The following GLRX3 variants were observed in gnomAD, a reference collection of about 807,000 sequenced individuals.
GLRX3 encodes the protein glutaredoxin 3.
Under a neutral mutation model 49.5 loss-of-function variants are expected in GLRX3, and 22 were observed. That is an observed-to-expected ratio of 0.44 (90% CI 0.32 to 0.63). The LOEUF (loss-of-function observed/expected upper bound fraction) is 0.63. Among genes scored for constraint, GLRX3 ranks in the 30% least tolerant of loss-of-function variants. The pLI is 0.05. For synonymous variants in GLRX3, 133 were observed against 140.0 expected (o/e 0.95, Z 0.35); for missense variants, 385 against 396.3 (o/e 0.97, Z 0.24).
rs565905520 is a variant in GLRX3, at chr10:130,166,587, G to T, written c.559G>T (p.Val187Phe). The part of the protein sequence containing the change: ...SSFDIFSDEE[V>F]RQGLKAYSSW... ...TTTTGATATCTTCTCAGATGAAGAG[G>T]TTCGACAGGGACTCAAAGCCTATTC... Residue 187 changes from valine (V) to phenylalanine (F), a missense_variant, in exon 5 of 11, where the codon GTT becomes TTT. This residue lies in a region of GLRX3 where 374 missense variants were observed against 358.6 expected (regional missense o/e 1.04). Coordinates refer to ENST00000331244, the MANE Select transcript of GLRX3 (RefSeq NM_006541.5). The T allele has an allele frequency of 6.2e-7, 1 of 1,609,838 alleles. No homozygotes were observed. The highest frequency in any genetic ancestry group is 1.7e-5 in the Admixed American group (1 of 59,996).
At chr10:130,179,229 C>T (rs1391115338) in intron 10 of GLRX3, 113 bp from the exon 11 acceptor site, 1 of 600,018 alleles carries the variant, frequency 1.7e-6, no homozygotes, top group African/African-American at 2.0e-5. Context: ...GAGTTTTAAT[C>T]CAATAGGTGT....
downstream of GLRX3, chr10:130,180,095 C>CT (rs36013250): frequency 0.8 from 117,855 of 147,484 alleles, 47,145 homozygotes; most frequent in Middle Eastern, 0.87. Flanking sequence ...AGCATCACTA[C>CT]TTTTTTTTTT....
intron 3 of GLRX3, 107 bp from the exon 4 acceptor site, chr10:130,160,689 C>CT (rs1349112888): frequency 8.8e-6 from 6 of 684,690 alleles, no homozygotes; most frequent in African/African-American, 5.4e-5. Context: ...ATGAGGGTTT[C>CT]TTTTTTTACA....
intron 2 of GLRX3, among the ~76,000 whole-genome samples, chr10:130,150,239 C>CAAAAA (rs35014993): frequency 1.1e-5 from 1 of 94,534 alleles, no homozygotes. Flanking sequence ...GACTCCATCT[C>CAAAAA]AAAAAAAAAA....
At chr10:130,171,324 G>T (rs968584609) in intron 7 of GLRX3, among the ~76,000 whole-genome samples, 3 of 152,032 alleles carry the variant, frequency 2.0e-5, no homozygotes, top group African/African-American at 7.2e-5. Flanking sequence ...TGACCACAGA[G>T]AATATAAACT....
At chr10:130,170,632 G>A (rs1437280539) in intron 7 of GLRX3, among the ~76,000 whole-genome samples, 1 of 151,886 alleles carries the variant, frequency 6.6e-6, no homozygotes, top group African/African-American at 2.4e-5. Context: ...TCTCGGTAAT[G>A]GTTTAAGTGG....
chr10:130,159,718 A>G (rs1214419237), intron 2 of GLRX3: 1 of 876,450 alleles, frequency 1.1e-6, no homozygotes, highest in Non-Finnish European at 1.5e-6. Flanking sequence ...TTACTAGGTC[A>G]CTAGTGCACC....
intron 2 of GLRX3, among the ~76,000 whole-genome samples, chr10:130,156,154 C>G (rs1266121917): frequency 6.6e-6 from 1 of 152,194 alleles, no homozygotes; most frequent in Admixed American, 6.5e-5. Context: ...GCTCACAGTT[C>G]TAGAGGCTGG....
chr10:130,166,776 T>C (rs1862699649), intron 5 of GLRX3, 97 bp downstream of exon 5: 5 of 1,005,630 alleles, frequency 5.0e-6, no homozygotes, highest in Non-Finnish European at 3.0e-6. Context: ...TTCTTATGAA[T>C]CTATATTTAC....
At chr10:130,176,152 G>A (rs1029109809) in intron 10 of GLRX3, among the ~76,000 whole-genome samples, 6 of 145,868 alleles carry the variant, frequency 4.1e-5, no homozygotes, top group African/African-American at 7.7e-5. Flanking sequence ...AGAGAGTTTC[G>A]CTCTTGTTCC....
At position 130,169,579 on chromosome 10, in the gene GLRX3, A is replaced by C. The variant is rs982677449; in HGVS notation, c.771+89A>C. 4.8e-6 allele frequency: 4 copies of C among 837,888 alleles called. No individual in the cohort carries two copies. In the African/African-American group the frequency reaches 6.7e-5, roughly 14 times the overall value. 51.9% of individuals were successfully genotyped at this position (837,888 alleles called of 1,614,324 possible). A position where few individuals can be genotyped will look rare whatever the true frequency, so the allele number is the denominator to read the frequency against. ...ACAGTTAAATCTTTTTCCTAGCTTT[A>C]GCTAATGAAGCTGTAGCGATATCAG... On this transcript the variant is annotated intron_variant, in intron 7 of 10. Transcript: ENST00000331244.
chr10:130,153,363 T>C (rs2134889523), intron 2 of GLRX3, among the ~76,000 whole-genome samples: 1 of 152,388 alleles, frequency 6.6e-6, no homozygotes, highest in South Asian at 2.1e-4. Context: ...TGCGTTCCTT[T>C]GGAGGAGAAG....
intron 2 of GLRX3, among the ~76,000 whole-genome samples, chr10:130,154,276 C>T (rs1216534525): frequency 6.6e-6 from 1 of 152,212 alleles, no homozygotes; most frequent in East Asian, 1.9e-4. Context: ...AATCCTCCAA[C>T]CCCTTGCGCT....
chr10:130,159,569 T>C (rs1294582976), intron 2 of GLRX3, among the ~76,000 whole-genome samples: 3 of 152,252 alleles, frequency 2.0e-5, no homozygotes, highest in Admixed American at 2.0e-4. Flanking sequence ...TCAGTCATGA[T>C]GTACTGCCTC....
chr10:130,159,598 G>A, intron 2 of GLRX3: 1 of 165,236 alleles, frequency 6.1e-6, no homozygotes, highest in Non-Finnish European at 1.3e-5. Flanking sequence ...AGTCAATAGA[G>A]CAAACAGCAA....
In GLRX3 at chr10:130,175,053, G is replaced by T. The variant is rs1236113258; in HGVS notation, c.921G>T (p.Val307=). The change falls in exon 10 of 11, where the codon GTG becomes GTT. Residue 307 remains valine, a synonymous_variant. Coordinates refer to ENST00000331244, the MANE Select transcript of GLRX3 (RefSeq NM_006541.5). ...SNWPTYPQLY[V]KGELVGGLDI... is the part of the protein sequence containing the mutation. ...GGCCAACATACCCTCAGCTGTATGT[G>T]AAAGGGGAGCTGGTGGGAGGATTGG... The T allele has an allele frequency of 1.0e-5, 16 of 1,599,366 alleles. No individual in the cohort carries two copies. Among genetic ancestry groups the T allele is most frequent in the Non-Finnish European group, 1.4e-5 (16 of 1,166,924 alleles).
intron 1 of GLRX3, among the ~76,000 whole-genome samples, chr10:130,144,758 G>A (rs1862240290): frequency 6.6e-6 from 1 of 152,192 alleles, no homozygotes; most frequent in Non-Finnish European, 1.5e-5. Context: ...AAATAGTGCT[G>A]CAATAACATA....
At chr10:130,167,022 T>C (rs1439373804) in intron 6 of GLRX3, 42 bp downstream of exon 6, 6 of 1,050,968 alleles carry the variant, frequency 5.7e-6, no homozygotes, top group East Asian at 5.3e-5. Context: ...TCATTTAATA[T>C]ATTAAAAATA....
chr10:130,151,178 G>A (rs1387134449), intron 2 of GLRX3, among the ~76,000 whole-genome samples: 2 of 151,842 alleles, frequency 1.3e-5, no homozygotes. Flanking sequence ...CGCCTGCCTC[G>A]GCCTCCCAAA....
Sources: gnomAD v4.1 joint callset for allele counts (sites outside exome capture counted in the v4.1 genomes callset) on GRCh38, gnomAD v4.1.1 for gene constraint, gnomAD v4.1.1 regional missense constraint, MANE v1.5 for transcripts, NCBI Gene and HGNC (gene_info 2026-07-23, HGNC 2026-07-21) for gene names.